Variants in CIMAP2 observed in about 807,000 individuals in gnomAD.
CIMAP2 encodes the protein ciliary microtubule associated protein 2.
chr1:54,825,311 A>G, the CIMAP2 span, among the ~76,000 whole-genome samples: 1 of 152,040 alleles, frequency 6.6e-6, no homozygotes, highest in South Asian at 2.1e-4. Context: ...TCGGCCTCCC[A>G]AAGTGCTGGG....
the CIMAP2 span, among the ~76,000 whole-genome samples, chr1:54,812,542 A>T: frequency 1.3e-3 from 198 of 152,336 alleles, 1 homozygote; most frequent in African/African-American, 4.3e-3. Flanking sequence ...AGAAGGTGGG[A>T]GCATCCTCCT....
the CIMAP2 span, among the ~76,000 whole-genome samples, chr1:54,828,774 G>T: frequency 6.6e-6 from 1 of 152,022 alleles, no homozygotes; most frequent in Admixed American, 6.5e-5. Flanking sequence ...CATAAATGAA[G>T]AAAAATAGAA....
At chr1:54,811,287 G>A in the CIMAP2 span, among the ~76,000 whole-genome samples, 2 of 152,148 alleles carry the variant, frequency 1.3e-5, no homozygotes, top group Admixed American at 6.5e-5. Context: ...TGTAAAGGTT[G>A]GAATTGCCAA....
At chr1:54,836,071 G>A in the CIMAP2 span, among the ~76,000 whole-genome samples, 2 of 152,018 alleles carry the variant, frequency 1.3e-5, no homozygotes, top group Non-Finnish European at 1.5e-5. Context: ...AGCTCAGCAT[G>A]TGGAGTCCTC....
chr1:54,834,605 T>A, the CIMAP2 span, among the ~76,000 whole-genome samples: 1 of 152,236 alleles, frequency 6.6e-6, no homozygotes, highest in African/African-American at 2.4e-5. Flanking sequence ...ATTTGGGATT[T>A]TTTTTTCAGA....
chr1:54,819,793 T>C, the CIMAP2 span, among the ~76,000 whole-genome samples: 2 of 144,920 alleles, frequency 1.4e-5, no homozygotes, highest in African/African-American at 5.1e-5. Context: ...TTCCTTTTCT[T>C]CTCTTTTCTT....
At chr1:54,823,726 G>T in the CIMAP2 span, among the ~76,000 whole-genome samples, 1 of 152,078 alleles carries the variant, frequency 6.6e-6, no homozygotes, top group Non-Finnish European at 1.5e-5. Flanking sequence ...TCTCATTTGT[G>T]TATTTGCCCT....
the CIMAP2 span, among the ~76,000 whole-genome samples, chr1:54,811,453 A>G: frequency 6.6e-6 from 1 of 152,084 alleles, no homozygotes; most frequent in Non-Finnish European, 1.5e-5. Flanking sequence ...GCATGAGCCA[A>G]TGAGGGAAGA....
At chr1:54,837,382 T>C in the CIMAP2 span, among the ~76,000 whole-genome samples, 2 of 152,106 alleles carry the variant, frequency 1.3e-5, no homozygotes, top group Admixed American at 6.5e-5. Flanking sequence ...GTCTCCACTT[T>C]GGCATCTCTT....
chr1:54,827,564 G>A, the CIMAP2 span, among the ~76,000 whole-genome samples: 48 of 152,260 alleles, frequency 3.2e-4, no homozygotes, highest in Non-Finnish European at 5.1e-4. Flanking sequence ...TTCCATGTCT[G>A]CCACTTAGCT....
chr1:54,830,637 G>T, the CIMAP2 span, among the ~76,000 whole-genome samples: 1 of 152,152 alleles, frequency 6.6e-6, no homozygotes, highest in African/African-American at 2.4e-5. This position sits in a 1 kb window ranked among gnomAD's most constrained non-coding sequence, Gnocchi z 4.1. Flanking sequence ...TAAATGAAGG[G>T]CACTCATCTG....
At chr1:54,840,221 G>A in the CIMAP2 span, among the ~76,000 whole-genome samples, 1 of 152,192 alleles carries the variant, frequency 6.6e-6, no homozygotes, top group Non-Finnish European at 1.5e-5. Context: ...TGTCATATAA[G>A]TGGAATCATC....
chr1:54,825,176 G>T, the CIMAP2 span, among the ~76,000 whole-genome samples: 1 of 149,066 alleles, frequency 6.7e-6, no homozygotes, highest in Non-Finnish European at 1.5e-5. Flanking sequence ...TCAACCTCCC[G>T]AGTAGCTGAG....
the CIMAP2 span, among the ~76,000 whole-genome samples, chr1:54,829,080 C>T: frequency 4.6e-5 from 7 of 152,266 alleles, no homozygotes; most frequent in South Asian, 1.0e-3. Context: ...TGATTACATG[C>T]GGAGGGCAGG....
chr1:54,826,355 G>A, the CIMAP2 span, among the ~76,000 whole-genome samples: 1 of 152,180 alleles, frequency 6.6e-6, no homozygotes. Context: ...ACACTGCATG[G>A]GCTAGAATGC....
At chr1:54,833,419 C>A in the CIMAP2 span, among the ~76,000 whole-genome samples, 6 of 152,100 alleles carry the variant, frequency 3.9e-5, no homozygotes, top group Non-Finnish European at 7.3e-5. Flanking sequence ...TTGATCCAGG[C>A]GGGGGAGTGC....
At chr1:54,829,975 G>C in the CIMAP2 span, among the ~76,000 whole-genome samples, 1 of 151,886 alleles carries the variant, frequency 6.6e-6, no homozygotes, top group Admixed American at 6.6e-5. Flanking sequence ...CTGCATACCT[G>C]TCCAGCTCTA....
At chr1:54,806,143 A>G in the CIMAP2 span, 2 of 1,547,590 alleles carry the variant, frequency 1.3e-6, no homozygotes, top group Non-Finnish European at 1.7e-6. Flanking sequence ...ATGCCGCCGG[A>G]GCTCATGGCT....
At chr1:54,813,302 C>T in the CIMAP2 span, among the ~76,000 whole-genome samples, 5 of 152,164 alleles carry the variant, frequency 3.3e-5, no homozygotes, top group South Asian at 2.1e-4. Flanking sequence ...AGAACTGATA[C>T]GTCATTATCA....
Sources: allele counts gnomAD v4.1 joint callset (sites outside exome capture counted in the v4.1 genomes callset), GRCh38; gene constraint gnomAD v4.1.1; non-coding constraint Gnocchi (gnomAD v3.1); transcripts MANE v1.5; gene names NCBI Gene and HGNC (gene_info 2026-07-23, HGNC 2026-07-21).